XKR9: variants seen among roughly 807,000 people sequenced by gnomAD.
XKR9 encodes the protein XK-related protein 9.
XKR9 carries 32 observed loss-of-function variants against 32.0 expected under a neutral mutation model. The observed-to-expected ratio is 1.00, with a 90% CI of 0.76 to 1.34. The LOEUF is 1.34. XKR9 is among the 40% of genes most tolerant of loss of function. The probability of loss-of-function intolerance (pLI) is 0.00; values close to 1 mark genes in which losing one functional copy is unlikely to be tolerated. For missense variants in XKR9, 546 were observed against 429.7 expected (o/e 1.27, Z -2.39); for synonymous variants, 168 against 143.4 (o/e 1.17, Z -1.22).
At chr8:70,943,213 T>C in the XKR9 span, among the ~76,000 whole-genome samples, 2 of 152,180 alleles carry the variant, frequency 1.3e-5, no homozygotes, top group Non-Finnish European at 2.9e-5. Context: ...TTCATTGAAG[T>C]GTTTCTTTAA....
chr8:70,985,295 A>G, the XKR9 span, among the ~76,000 whole-genome samples: 1 of 152,176 alleles, frequency 6.6e-6, no homozygotes, highest in Non-Finnish European at 1.5e-5. Flanking sequence ...TTTGCTGAGG[A>G]TAATGGTTTC....
At chr8:70,953,934 G>C in the XKR9 span, among the ~76,000 whole-genome samples, 22 of 152,174 alleles carry the variant, frequency 1.4e-4, no homozygotes, top group African/African-American at 5.1e-4. Flanking sequence ...AAGGAAGCCA[G>C]GGAAAGAGCA....
At chr8:70,975,290 G>T in the XKR9 span, among the ~76,000 whole-genome samples, 7 of 152,112 alleles carry the variant, frequency 4.6e-5, no homozygotes, top group African/African-American at 7.2e-5. Context: ...CATTGCTTTT[G>T]GTGTTTTAGT....
intron 4 of XKR9, among the ~76,000 whole-genome samples, chr8:70,732,930 C>T (rs1806720624): frequency 6.6e-6 from 1 of 152,124 alleles, no homozygotes; most frequent in African/African-American, 2.4e-5. Context: ...CCAGCCTCGC[C>T]AACATGGTGA....
chr8:70,836,248 A>G, the XKR9 span, among the ~76,000 whole-genome samples: 1 of 152,116 alleles, frequency 6.6e-6, no homozygotes, highest in Non-Finnish European at 1.5e-5. Flanking sequence ...ATAAATCATA[A>G]GTAAACCTTG....
chr8:70,836,126 G>A, the XKR9 span, among the ~76,000 whole-genome samples: 1 of 151,982 alleles, frequency 6.6e-6, no homozygotes, highest in East Asian at 1.9e-4. Context: ...TGCATTTGAT[G>A]TCTGAATTGT....
chr8:70,862,320 TG>T, the XKR9 span, among the ~76,000 whole-genome samples: 1 of 152,172 alleles, frequency 6.6e-6, no homozygotes, highest in East Asian at 1.9e-4. Flanking sequence ...TATAAGTCGC[TG>T]GTGCCTTTTC....
chr8:70,939,694 A>G, the XKR9 span, among the ~76,000 whole-genome samples: 3 of 152,002 alleles, frequency 2.0e-5, no homozygotes, highest in South Asian at 6.2e-4. Flanking sequence ...GTTTACCATC[A>G]CCTTGCCTCA....
chr8:70,917,709 A>G, the XKR9 span, among the ~76,000 whole-genome samples: 5 of 152,226 alleles, frequency 3.3e-5, no homozygotes, highest in African/African-American at 9.6e-5. Context: ...GTAATCTTTA[A>G]AAGTGTAGTA....
At chr8:70,999,997 C>G in the XKR9 span, among the ~76,000 whole-genome samples, 1 of 152,038 alleles carries the variant, frequency 6.6e-6, no homozygotes, top group African/African-American at 2.4e-5. Context: ...TTCTTTCTCC[C>G]TAACTCTCCT....
At chr8:71,000,265 G>A in the XKR9 span, among the ~76,000 whole-genome samples, 48,382 of 151,930 alleles carry the variant, frequency 0.32, 9,012 homozygotes, top group Non-Finnish European at 0.43. Context: ...GAAATAAATG[G>A]TTAGAGCTTT....
chr8:70,741,946 C>T (rs953827552), intron 2 of XKR9, among the ~76,000 whole-genome samples: 1 of 147,952 alleles, frequency 6.8e-6, no homozygotes, highest in Non-Finnish European at 1.5e-5. Context: ...TATATCCTCA[C>T]CAACACGTGT....
chr8:70,878,641 C>T, the XKR9 span, among the ~76,000 whole-genome samples: 1 of 152,048 alleles, frequency 6.6e-6, no homozygotes, highest in Admixed American at 6.6e-5. Context: ...ACAGGAGCAC[C>T]CAGATTCATA....
the XKR9 span, among the ~76,000 whole-genome samples, chr8:70,875,914 T>A: frequency 6.6e-6 from 1 of 152,032 alleles, no homozygotes; most frequent in Non-Finnish European, 1.5e-5. Flanking sequence ...AGATTCCTAA[T>A]ATATCAGCAA....
intron 3 of XKR9, among the ~76,000 whole-genome samples, chr8:70,703,653 AC>A (rs1285612885): frequency 6.6e-6 from 1 of 152,034 alleles, no homozygotes; most frequent in African/African-American, 2.4e-5. Context: ...CTTCATGTTC[AC>A]CAATCCTACT....
At chr8:70,991,462 T>C in the XKR9 span, among the ~76,000 whole-genome samples, 25 of 152,358 alleles carry the variant, frequency 1.6e-4, no homozygotes, top group African/African-American at 5.8e-4. Context: ...AGGCAATATA[T>C]AGCAATGTAT....
the XKR9 span, among the ~76,000 whole-genome samples, chr8:70,985,799 ACT>A: frequency 2.6e-5 from 4 of 151,928 alleles, no homozygotes; most frequent in African/African-American, 9.7e-5. Flanking sequence ...TTTGCTGAAA[ACT>A]CTACTTTAAA....
chr8:71,051,525 TGGG>T, the XKR9 span, among the ~76,000 whole-genome samples: 10 of 148,320 alleles, frequency 6.7e-5, no homozygotes, highest in East Asian at 1.6e-3. Flanking sequence ...GTGGTGGTGG[TGGG>T]GTGTGTGTGT....
chr8:70,918,096 C>T, the XKR9 span, among the ~76,000 whole-genome samples: 6 of 152,174 alleles, frequency 3.9e-5, no homozygotes, highest in Non-Finnish European at 7.3e-5. Context: ...TCTTCTGCTT[C>T]AAAAGTTTTA....
Sources: gnomAD v4.1 joint callset for allele counts (sites outside exome capture counted in the v4.1 genomes callset) on GRCh38, gnomAD v4.1.1 for gene constraint, MANE v1.5 for transcripts, NCBI Gene and HGNC (gene_info 2026-07-23, HGNC 2026-07-21) for gene names.